RAB10: variants seen among roughly 807,000 people sequenced by gnomAD.
RAB10 encodes ras-related protein Rab-10.
A neutral mutation model predicts 25.7 loss-of-function variants in RAB10; 5 were observed. That is an observed-to-expected ratio of 0.19 (90% CI 0.10 to 0.41). The LOEUF (loss-of-function observed/expected upper bound fraction) is 0.41. Among genes scored for constraint, RAB10 ranks in the 10% least tolerant of loss-of-function variants. RAB10 has a pLI of 1.00. For synonymous variants in RAB10, 89 were observed against 86.4 expected (o/e 1.03, Z -0.16); for missense variants, 103 against 245.8 (o/e 0.42, Z 3.89).
intron 1 of RAB10, among the ~76,000 whole-genome samples, chr2:26,061,687 A>G (rs1369861038): frequency 2.0e-5 from 3 of 151,570 alleles, no homozygotes; most frequent in Non-Finnish European, 2.9e-5. Flanking sequence ...CATTGTCCCC[A>G]GTCTTATTTT....
chr2:26,128,355 T>TTAACAGGCCAC, intron 5 of RAB10, among the ~76,000 whole-genome samples: 1 of 152,324 alleles, frequency 6.6e-6, no homozygotes. Context: ...GGCCCCGTTC[T>TTAACAGGCCAC]TAACAGGCCA....
chr2:26,129,429 T>C (rs1244526897), intron 5 of RAB10, among the ~76,000 whole-genome samples: 1 of 152,202 alleles, frequency 6.6e-6, no homozygotes, highest in Non-Finnish European at 1.5e-5. Context: ...AAAAGGTAGA[T>C]GTTTGTTTTT....
upstream of RAB10, among the ~76,000 whole-genome samples, chr2:26,033,794 C>CGGGGGTCGGAGGG (rs1031276153): frequency 2.8e-5 from 3 of 108,902 alleles, no homozygotes; most frequent in Admixed American, 2.5e-4. Flanking sequence ...AGGCGGGAGG[C>CGGGGGTCGGAGGG]GGGGGTCGGA....
chr2:26,132,221 G>T (rs550670826), intron 5 of RAB10, among the ~76,000 whole-genome samples: 1 of 152,254 alleles, frequency 6.6e-6, no homozygotes, highest in South Asian at 2.1e-4. Context: ...GATTTAATTC[G>T]CAGGTAATTT....
intron 1 of RAB10, among the ~76,000 whole-genome samples, chr2:26,068,800 G>A (rs369221309): frequency 6.6e-6 from 1 of 152,130 alleles, no homozygotes; most frequent in Non-Finnish European, 1.5e-5. Context: ...TTGTGGGCAA[G>A]GCTTAAAACC....
At chr2:26,067,491 GC>G (rs1666539089) in intron 1 of RAB10, among the ~76,000 whole-genome samples, 1 of 152,042 alleles carries the variant, frequency 6.6e-6, no homozygotes, top group Non-Finnish European at 1.5e-5. Context: ...CTTCTTGTTG[GC>G]TGAGGAACTG....
chr2:26,104,781 A>C (rs569552479), intron 2 of RAB10, among the ~76,000 whole-genome samples: 325 of 141,926 alleles, frequency 2.3e-3, no homozygotes, highest in African/African-American at 8.3e-3. Flanking sequence ...TCTGTCGCCC[A>C]GGCTGGAATG....
intron 1 of RAB10, among the ~76,000 whole-genome samples, chr2:26,037,304 A>G (rs1665783325): frequency 6.6e-6 from 1 of 152,100 alleles, no homozygotes; most frequent in Non-Finnish European, 1.5e-5. Flanking sequence ...TAGCTGTGCA[A>G]CTTTGGCAGA....
chr2:26,062,435 T>C (rs1419823148), intron 1 of RAB10, among the ~76,000 whole-genome samples: 2 of 152,038 alleles, frequency 1.3e-5, no homozygotes, highest in Non-Finnish European at 2.9e-5. Flanking sequence ...CCCAGCACTT[T>C]GGGAGACTGA....
At chr2:26,035,721 C>A (rs1235223250) in intron 1 of RAB10, among the ~76,000 whole-genome samples, 1 of 152,092 alleles carries the variant, frequency 6.6e-6, no homozygotes, top group Non-Finnish European at 1.5e-5. Flanking sequence ...GCAGTTGAAC[C>A]CATTTTTAAA....
chr2:26,116,962 G>A (rs2149286312), intron 3 of RAB10, among the ~76,000 whole-genome samples: 1 of 151,824 alleles, frequency 6.6e-6, no homozygotes, highest in African/African-American at 2.4e-5. Context: ...GTGCCACTGT[G>A]CCACTCTTTG....
chr2:26,048,993 C>A (rs80037778), intron 1 of RAB10, among the ~76,000 whole-genome samples: 1 of 152,116 alleles, frequency 6.6e-6, no homozygotes. Flanking sequence ...AACTTTGATG[C>A]GGTCCAATTT....
chr2:26,085,747 A>G (rs1420157800), intron 1 of RAB10, among the ~76,000 whole-genome samples: 1 of 152,046 alleles, frequency 6.6e-6, no homozygotes, highest in African/African-American at 2.4e-5. Flanking sequence ...CTGTAACCCC[A>G]GCACTTTGGG....
chr2:26,042,110 A>G (rs553742257), intron 1 of RAB10, among the ~76,000 whole-genome samples: 52 of 152,222 alleles, frequency 3.4e-4, no homozygotes, highest in African/African-American at 9.6e-4. Context: ...GGCTGCTTCT[A>G]TACTGGATGT....
At chr2:26,059,768 TGAA>T (rs1666357302) in intron 1 of RAB10, among the ~76,000 whole-genome samples, 1 of 151,832 alleles carries the variant, frequency 6.6e-6, no homozygotes, top group South Asian at 2.1e-4. Context: ...AGGGAAGGGG[TGAA>T]GGAGAGTTGT....
intron 1 of RAB10, among the ~76,000 whole-genome samples, chr2:26,041,468 G>C (rs183782039): frequency 6.6e-6 from 1 of 151,172 alleles, no homozygotes. Flanking sequence ...GCTTAAACCC[G>C]GGAGGCGGAG....
intron 1 of RAB10, among the ~76,000 whole-genome samples, chr2:26,080,694 T>C (rs572200744): frequency 6.6e-6 from 1 of 152,284 alleles, no homozygotes; most frequent in South Asian, 2.1e-4. Context: ...TTTTGTGTTT[T>C]GTTTGTAGAG....
At chr2:26,097,755 T>C (rs1301720864) in intron 1 of RAB10, among the ~76,000 whole-genome samples, 1 of 152,098 alleles carries the variant, frequency 6.6e-6, no homozygotes. Context: ...TCTGTATCAT[T>C]ATTGATTTTT....
At chr2:26,105,417 G>A (rs1667447616) in intron 2 of RAB10, among the ~76,000 whole-genome samples, 1 of 152,076 alleles carries the variant, frequency 6.6e-6, no homozygotes, top group Admixed American at 6.6e-5. Flanking sequence ...TTGGGAGGCC[G>A]AGGCAGGCAG....
Sources: gnomAD v4.1 joint callset for allele counts (sites outside exome capture counted in the v4.1 genomes callset) on GRCh38, gnomAD v4.1.1 for gene constraint, MANE v1.5 for transcripts, NCBI Gene and HGNC (gene_info 2026-07-23, HGNC 2026-07-21) for gene names.